The following RBFOX1 variants were observed in gnomAD, a reference collection of about 807,000 sequenced individuals.
RBFOX1 encodes the protein RNA binding protein fox-1 homolog 1.
A neutral mutation model predicts 57.7 loss-of-function variants in RBFOX1; 8 were observed. That is an observed-to-expected ratio of 0.14 (90% CI 0.08 to 0.25). The LOEUF (loss-of-function observed/expected upper bound fraction) is 0.25. RBFOX1 is among the 10% of genes least tolerant of loss of function. The pLI is 1.00. For missense variants in RBFOX1, 611 were observed against 548.5 expected, an observed-to-expected ratio of 1.11 and a Z score of -1.14; for synonymous variants, 326 against 222.4, an observed-to-expected ratio of 1.47 and a Z score of -4.15.
chr16:6,351,562 C>T (rs1023034466), intron 2 of RBFOX1, among the ~76,000 whole-genome samples: 67 of 151,702 alleles, frequency 4.4e-4, no homozygotes, highest in African/African-American at 1.6e-3. Flanking sequence ...TTGGTAGAGA[C>T]AGGGTTTCAC....
intron 2 of RBFOX1, among the ~76,000 whole-genome samples, chr16:5,523,539 C>T (rs974914818): frequency 6.6e-6 from 1 of 152,050 alleles, no homozygotes; most frequent in African/African-American, 2.4e-5. Flanking sequence ...TCACCTGAGC[C>T]CAGGATGGTT....
chr16:6,474,577 T>C (rs2095243851), intron 2 of RBFOX1, among the ~76,000 whole-genome samples: 1 of 152,216 alleles, frequency 6.6e-6, no homozygotes, highest in African/African-American at 2.4e-5. Flanking sequence ...TTGTTTTCTA[T>C]GTCTGGGCTG....
chr16:5,401,833 T>A (rs1404665331), intron 1 of RBFOX1, among the ~76,000 whole-genome samples: 1 of 151,464 alleles, frequency 6.6e-6, no homozygotes, highest in East Asian at 2.0e-4. Context: ...TGCTGCTTCC[T>A]CATCATCATT....
intron 4 of RBFOX1, among the ~76,000 whole-genome samples, chr16:7,161,494 G>A (rs1260433399): frequency 6.6e-6 from 1 of 152,230 alleles, no homozygotes; most frequent in South Asian, 2.1e-4. Context: ...TTCACTCTTA[G>A]GGGTTAGGAA....
intron 4 of RBFOX1, among the ~76,000 whole-genome samples, chr16:7,258,450 C>A (rs917184319): frequency 5.9e-5 from 9 of 152,136 alleles, no homozygotes; most frequent in East Asian, 5.8e-4. Context: ...GTTTCATCTT[C>A]TATATTCTCC....
intron 2 of RBFOX1, among the ~76,000 whole-genome samples, chr16:6,631,858 T>TA (rs951727726): frequency 1.3e-5 from 2 of 151,804 alleles, no homozygotes; most frequent in African/African-American, 4.8e-5. Context: ...GCCACAAACT[T>TA]AATGCATTTG....
chr16:6,989,941 C>A (rs1317321644), intron 3 of RBFOX1, among the ~76,000 whole-genome samples: 1 of 152,020 alleles, frequency 6.6e-6, no homozygotes, highest in African/African-American at 2.4e-5. Flanking sequence ...GCAGAAGTTG[C>A]AGTGAACTGA....
At chr16:5,404,693 G>C (rs1317621802) in intron 1 of RBFOX1, among the ~76,000 whole-genome samples, 1 of 152,198 alleles carries the variant, frequency 6.6e-6, no homozygotes, top group Non-Finnish European at 1.5e-5. Context: ...GGGGGATAGG[G>C]AAACCCATGC....
intron 3 of RBFOX1, among the ~76,000 whole-genome samples, chr16:6,977,018 A>G (rs923734187): frequency 4.2e-5 from 6 of 143,354 alleles, no homozygotes; most frequent in Non-Finnish European, 7.6e-5. Context: ...TATCATATGT[A>G]TCATGTATCA....
intron 2 of RBFOX1, among the ~76,000 whole-genome samples, chr16:6,615,436 G>C (rs978430420): frequency 2.0e-5 from 3 of 152,060 alleles, no homozygotes; most frequent in African/African-American, 4.8e-5. Context: ...TGGGTGTGCT[G>C]GTGGGTGCCT....
chr16:7,100,936 G>T (rs1213585093), intron 4 of RBFOX1, among the ~76,000 whole-genome samples: 3 of 152,104 alleles, frequency 2.0e-5, no homozygotes, highest in Non-Finnish European at 2.9e-5. Context: ...TTTTTTTTAA[G>T]TGAAAGTGAT....
intron 3 of RBFOX1, among the ~76,000 whole-genome samples, chr16:5,720,256 T>C (rs537967606): frequency 1.6e-4 from 24 of 152,326 alleles, no homozygotes; most frequent in Admixed American, 9.8e-4. Flanking sequence ...TCTTGGTCCA[T>C]TTTTGACTGG....
chr16:6,961,600 C>T (rs2083030110), intron 3 of RBFOX1, among the ~76,000 whole-genome samples: 1 of 152,110 alleles, frequency 6.6e-6, no homozygotes, highest in South Asian at 2.1e-4. Flanking sequence ...CTGAGGGCTG[C>T]TGATTGGCTA....
intron 4 of RBFOX1, among the ~76,000 whole-genome samples, chr16:7,187,041 T>C (rs1400009706): frequency 7.0e-6 from 1 of 142,296 alleles, no homozygotes; most frequent in Non-Finnish European, 1.5e-5. Context: ...CTGGACATGG[T>C]GATGTGGTCC....
Position 5,791,032 on chromosome 16 carries a change from C to A in RBFOX1, c.319-76271C>A, listed in dbSNP as rs376291407. Among the ~76,000 whole-genome samples, 6 of 151,980 alleles carry A rather than the reference C, an allele frequency of 3.9e-5. No homozygotes were observed. The East Asian group carries it at 9.7e-4, about 25-fold the overall frequency. On this transcript the variant is annotated intron_variant, in intron 3 of 19. Transcript: ENST00000641259. ...TACAGGTGCATACCACCACACCTGG[C>A]AAATTTTTATATTTGTAGTAGAGAT...
intron 4 of RBFOX1, among the ~76,000 whole-genome samples, chr16:5,961,218 A>C (rs1327936502): frequency 6.6e-6 from 1 of 152,124 alleles, no homozygotes; most frequent in Non-Finnish European, 1.5e-5. Context: ...AGCATTGCTT[A>C]ATAAAATTTG....
intron 4 of RBFOX1, among the ~76,000 whole-genome samples, chr16:7,167,838 C>G (rs1290130051): frequency 7.0e-6 from 1 of 141,928 alleles, no homozygotes; most frequent in Admixed American, 7.3e-5. Flanking sequence ...GCCTGCAAAG[C>G]CTAAAATATT....
intron 2 of RBFOX1, among the ~76,000 whole-genome samples, chr16:6,583,975 T>C (rs1295624160): frequency 1.4e-5 from 2 of 142,482 alleles, no homozygotes; most frequent in Admixed American, 1.4e-4. Flanking sequence ...GAAAAACAAA[T>C]AAACAATAAC....
chr16:5,680,918 G>A (rs1183762061), intron 3 of RBFOX1, among the ~76,000 whole-genome samples: 2 of 151,816 alleles, frequency 1.3e-5, no homozygotes, highest in African/African-American at 4.8e-5. Flanking sequence ...TGTGTGCTTG[G>A]TTGGGGGGCA....
Sources: gnomAD v4.1 joint callset for allele counts (sites outside exome capture counted in the v4.1 genomes callset) on GRCh38, gnomAD v4.1.1 for gene constraint, MANE v1.5 for transcripts, NCBI Gene and HGNC (gene_info 2026-07-23, HGNC 2026-07-21) for gene names.